Variants in PCYT1B observed in about 807,000 individuals in gnomAD.
PCYT1B encodes phosphate cytidylyltransferase 1B, choline.
Under a neutral mutation model 26.4 loss-of-function variants are expected in PCYT1B, and 10 were observed. The observed-to-expected ratio is 0.38, with a 90% CI of 0.23 to 0.64. The LOEUF (loss-of-function observed/expected upper bound fraction) is 0.64, where lower values mean the gene tolerates loss of function less well. Ranked by LOEUF, PCYT1B falls within the 30% of genes least tolerant of loss-of-function variation. The pLI is 0.56. For synonymous variants in PCYT1B, 131 were observed against 108.4 expected (o/e 1.21, Z -1.29); for missense variants, 161 against 292.7 (o/e 0.55, Z 3.28).
At chrX:24,612,083 G>A (rs958286792) in intron 2 of PCYT1B, among the ~76,000 whole-genome samples, 2 of 113,088 alleles carry the variant, frequency 1.8e-5, no homozygotes, top group African/African-American at 6.4e-5. Flanking sequence ...GCCATGTTGT[G>A]AAAGGGCCTA....
chrX:24,590,654 C>T (rs769496165), intron 3 of PCYT1B, among the ~76,000 whole-genome samples: 61 of 111,041 alleles, frequency 5.5e-4, no homozygotes, highest in South Asian at 7.8e-4. Flanking sequence ...GACAGACAGA[C>T]AGACACACAC....
At chrX:24,579,530 C>T in intron 5 of PCYT1B, 72 bp from the exon 6 acceptor site, 2 of 1,024,271 alleles carry the variant, frequency 2.0e-6, no homozygotes, top group South Asian at 2.1e-5. Context: ...CTTTAATGGT[C>T]CCCCTTTACA....
chrX:24,645,763 A>C (rs977848447), intron 1 of PCYT1B, among the ~76,000 whole-genome samples: 8 of 111,588 alleles, frequency 7.2e-5, no homozygotes, highest in African/African-American at 2.6e-4. Context: ...CCTAAGAGAA[A>C]ACATTTTTAA....
At chrX:24,632,741 T>C (rs1926137071) in intron 1 of PCYT1B, 1 of 111,932 alleles carries the variant, frequency 8.9e-6, no homozygotes, top group African/African-American at 3.3e-5. Context: ...GAATGATAGA[T>C]ACCACTATCA....
In PCYT1B at chrX:24,560,371, C is replaced by A. The variant is rs1262136548; in HGVS notation, c.*1922G>T. 4 of 111,986 alleles carry A rather than the reference C, an allele frequency of 3.6e-5. No individual in the cohort carries two copies. Among genetic ancestry groups the A allele is most frequent in the Non-Finnish European group, 7.5e-5 (4 of 53,230 alleles). The allele number at this position is 111,986 out of a possible 1,213,427, so 9.2% of individuals were successfully genotyped here. A position where few individuals can be genotyped will look rare whatever the true frequency, so the allele number is the denominator to read the frequency against. On this transcript the variant is annotated 3_prime_UTR_variant, in exon 8 of 8. Transcript: ENST00000379144. ...TCAAATGGTAGGCAGACTTGCATGG[C>A]TTGACCTGAGTGCATGATGGAAGAC...
At chrX:24,636,679 C>T (rs1311409451) in intron 1 of PCYT1B, among the ~76,000 whole-genome samples, 1 of 112,547 alleles carries the variant, frequency 8.9e-6, no homozygotes, top group East Asian at 2.8e-4. Context: ...TACACACAGC[C>T]ACATATCACG....
chrX:24,565,782 C>A (rs1923606510), intron 7 of PCYT1B, among the ~76,000 whole-genome samples: 1 of 98,417 alleles, frequency 1.0e-5, no homozygotes. Context: ...ACTTCTGTAC[C>A]TCAAAAAAAA....
chrX:24,570,099 A>G (rs1034384294), intron 7 of PCYT1B, among the ~76,000 whole-genome samples: 15 of 103,691 alleles, frequency 1.4e-4, no homozygotes, highest in African/African-American at 5.3e-4. Context: ...AGACAGGAGA[A>G]TCGGTTGAAC....
At position 24,647,102 on chromosome X, in the gene PCYT1B, G is replaced by C. The variant is rs145642741; in HGVS notation, c.4C>G (p.Pro2Ala). The C allele has an allele frequency of 8.3e-6, 10 of 1,201,533 alleles. No individual in the cohort carries two copies. In the African/African-American group the frequency reaches 1.8e-4, roughly 21 times the overall value. ...GACTCAGCATCAGTGGTAACTACTG[G>C]CATGGCCAGTGAATGCTCCCTCTAG... is the stretch of plus-strand genomic sequence containing the variant. MPVVTTDAESET... is the reference protein window; with the variant it reads MAVVTTDAESET... Residue 2 changes from proline to alanine, a missense_variant, in exon 1 of 8, where the codon CCA becomes GCA. By Grantham distance (27) the Pro-to-Ala change is conservative (BLOSUM62 -1). This residue lies in a region of PCYT1B where 51 missense variants were observed against 51.0 expected (regional missense o/e 1.00). Coordinates refer to ENST00000379144, the MANE Select transcript of PCYT1B (RefSeq NM_004845.5).
At chrX:24,632,818 G>C (rs998253787) in intron 1 of PCYT1B, among the ~76,000 whole-genome samples, 2 of 111,088 alleles carry the variant, frequency 1.8e-5, no homozygotes, top group African/African-American at 6.5e-5. Context: ...TTGGTTACTG[G>C]GTACAAACAT....
Position 24,619,024 on chromosome X carries a change from C to A in PCYT1B, c.178G>T (p.Glu60Ter). Residue 60 changes from glutamate (E) to a stop codon, truncating the protein, a stop_gained, in exon 2 of 8, where the codon GAA becomes TAA. Coordinates refer to ENST00000379144, the MANE Select transcript of PCYT1B (RefSeq NM_004845.5). LOFTEE classifies it high-confidence loss of function. ...CGGGCCTGAGCAATGGTCAGTTTTT[C>A]ATGGGGTGCTTGACACTGGCAGTTG... ...ETNCQCQAPH[E>*]KLTIAQARLG... 1 of 1,178,451 alleles carries A rather than the reference C, an allele frequency of 8.5e-7. No individual in the cohort carries two copies. Among genetic ancestry groups the A allele is most frequent in the South Asian group, 2.0e-5 (1 of 50,702 alleles).
intron 3 of PCYT1B, among the ~76,000 whole-genome samples, chrX:24,606,513 G>C (rs754791249): frequency 8.9e-6 from 1 of 112,043 alleles, no homozygotes; most frequent in Non-Finnish European, 1.9e-5. Flanking sequence ...CCATTCAATG[G>C]TCCTGTGGTC....
In PCYT1B at chrX:24,661,352, G is replaced by A. The variant is rs1927025624; in HGVS notation, c.63+11218C>T. ...CAAGAGAAGTATCTTGTCTTAGAAT[G>A]AGTAATGAAGAAGGTAAGATGGTAA... On this transcript the variant is annotated intron_variant, in intron 1 of 7. Coordinates refer to the PCYT1B transcript ENST00000379145. Among the ~76,000 whole-genome samples the A allele has an allele frequency of 5.4e-5, 6 of 112,084 alleles. No individual in the cohort carries two copies. In the Admixed American group the frequency reaches 5.7e-4, roughly 11 times the overall value.
chrX:24,574,831 C>A (rs768496666), intron 7 of PCYT1B, among the ~76,000 whole-genome samples: 3 of 112,206 alleles, frequency 2.7e-5, no homozygotes, highest in Non-Finnish European at 5.6e-5. Flanking sequence ...CTGAGATGAG[C>A]GACAGCATCA....
intron 2 of PCYT1B, among the ~76,000 whole-genome samples, chrX:24,610,086 G>A (rs1925261853): frequency 9.1e-6 from 1 of 110,013 alleles, no homozygotes; most frequent in African/African-American, 3.3e-5. Flanking sequence ...GATAGACCGT[G>A]TCTCAAATTA....
At chrX:24,635,047 CAT>C (rs752146113) in intron 1 of PCYT1B, among the ~76,000 whole-genome samples, 123 of 112,185 alleles carry the variant, frequency 1.1e-3, no homozygotes, top group African/African-American at 3.7e-3. Flanking sequence ...TTGTAATTAA[CAT>C]ATTTTAAAAT....
At chrX:24,568,009 T>C (rs1923690823) in intron 7 of PCYT1B, among the ~76,000 whole-genome samples, 1 of 111,753 alleles carries the variant, frequency 8.9e-6, no homozygotes, top group African/African-American at 3.3e-5. Context: ...GGGCAATAAA[T>C]GTCTTGACAA....
intron 5 of PCYT1B, among the ~76,000 whole-genome samples, chrX:24,580,385 T>C (rs1288270503): frequency 2.7e-5 from 3 of 112,048 alleles, no homozygotes; most frequent in African/African-American, 9.7e-5. Flanking sequence ...CAAGGAAGTC[T>C]GCTCACATTA....
chrX:24,559,424 A>AAG lies in PCYT1B; in HGVS notation c.*2867_*2868dup, dbSNP rs201092921. The stretch of plus-strand genomic sequence containing the variant: ...AAGAAAAAGAGGAAAGAAAAAGAGA[A>AAG]AGAAGAAAGAAAAAGAAAGAGAGAG... On this transcript the variant is annotated 3_prime_UTR_variant, in exon 8 of 8. Transcript: ENST00000379144. 1 of 82,249 alleles carries AAG rather than the reference A, an allele frequency of 1.2e-5. No individual in the cohort carries two copies. The highest frequency in any genetic ancestry group is 4.2e-5 in the African/African-American group (1 of 23,749). 6.8% of individuals were successfully genotyped at this position (82,249 alleles called of 1,213,427 possible).
Sources: gnomAD v4.1 joint callset for allele counts (sites outside exome capture counted in the v4.1 genomes callset) on GRCh38, gnomAD v4.1.1 for gene constraint, gnomAD v4.1.1 regional missense constraint, MANE v1.5 for transcripts, NCBI Gene and HGNC (gene_info 2026-07-23, HGNC 2026-07-21) for gene names.